Variants in GSE1 observed in about 807,000 individuals in gnomAD.
GSE1 encodes Gse1 coiled-coil protein.
A neutral mutation model predicts 112.6 loss-of-function variants in GSE1; 32 were observed. That is an observed-to-expected ratio of 0.28 (90% CI 0.21 to 0.38). GSE1 has a LOEUF of 0.38. Ranked by LOEUF, GSE1 falls within the 10% of genes least tolerant of loss-of-function variation. GSE1 has a pLI of 1.00. For missense variants in GSE1, 2,348 were observed against 1,699.2 expected (o/e 1.38, Z -6.71); for synonymous variants, 1,115 against 735.6 (o/e 1.52, Z -8.35).
upstream of GSE1, among the ~76,000 whole-genome samples, chr16:85,610,257 C>T (rs916882918): frequency 1.3e-5 from 2 of 152,224 alleles, no homozygotes; most frequent in African/African-American, 2.4e-5. Flanking sequence ...GAGGTGCCTC[C>T]GTAGGCCTGG....
At chr16:85,301,649 C>T (rs2045530016) in intron 1 of GSE1, among the ~76,000 whole-genome samples, 1 of 152,224 alleles carries the variant, frequency 6.6e-6, no homozygotes, top group Non-Finnish European at 1.5e-5. Context: ...TGTCCCTCGT[C>T]TCGGCTCTGT....
chr16:85,205,654 G>T (rs1450114251), intron 1 of GSE1, among the ~76,000 whole-genome samples: 9 of 152,104 alleles, frequency 5.9e-5, no homozygotes, highest in Admixed American at 5.9e-4. Flanking sequence ...CAGCTGTGGA[G>T]GCCCCTGCCC....
intron 1 of GSE1, among the ~76,000 whole-genome samples, chr16:85,306,915 C>T (rs1029384656): frequency 2.0e-5 from 3 of 152,216 alleles, no homozygotes; most frequent in African/African-American, 2.4e-5. Context: ...CTGGGTGTCC[C>T]CTTCCTGTTA....
intron 1 of GSE1, among the ~76,000 whole-genome samples, chr16:85,212,021 A>G (rs1263029080): frequency 6.6e-6 from 1 of 152,232 alleles, no homozygotes; most frequent in Non-Finnish European, 1.5e-5. Flanking sequence ...AGGCTGAGCC[A>G]TGTCCCTCAA....
chr16:85,222,687 C>T (rs1463884386), intron 1 of GSE1, among the ~76,000 whole-genome samples: 2 of 152,172 alleles, frequency 1.3e-5, no homozygotes, highest in South Asian at 4.1e-4. Context: ...GAAAACGTGG[C>T]CCAATTAAAA....
chr16:85,547,426 C>T (rs1468967121), intron 2 of GSE1, among the ~76,000 whole-genome samples: 1 of 152,208 alleles, frequency 6.6e-6, no homozygotes, highest in Non-Finnish European at 1.5e-5. Context: ...CCATATCACG[C>T]CAATTTCTGC....
At chr16:85,269,063 A>G (rs962914319) in intron 1 of GSE1, among the ~76,000 whole-genome samples, 2 of 149,518 alleles carry the variant, frequency 1.3e-5, no homozygotes, top group South Asian at 2.1e-4. Context: ...TGGGGTGGGC[A>G]TGCCCTGCAT....
At chr16:85,180,761 A>T (rs576533777) in intron 1 of GSE1, among the ~76,000 whole-genome samples, 2 of 152,318 alleles carry the variant, frequency 1.3e-5, no homozygotes, top group Admixed American at 1.3e-4. Context: ...CTGAATGGGA[A>T]GGCAGGCTGG....
At chr16:85,459,751 A>G (rs1018459924) in intron 2 of GSE1, among the ~76,000 whole-genome samples, 1 of 152,212 alleles carries the variant, frequency 6.6e-6, no homozygotes, top group Non-Finnish European at 1.5e-5. Context: ...GCCTCGGGCA[A>G]GTCACTGTTA....
chr16:85,646,504 A>G (rs1238126467), intron 2 of GSE1, among the ~76,000 whole-genome samples: 2 of 152,180 alleles, frequency 1.3e-5, no homozygotes, highest in Non-Finnish European at 2.9e-5. Context: ...ATATCATAGA[A>G]TCCAGGGCCA....
intron 1 of GSE1, among the ~76,000 whole-genome samples, chr16:85,226,816 T>A (rs190913087): frequency 1.0e-3 from 113 of 113,138 alleles, no homozygotes; most frequent in Non-Finnish European, 1.6e-3. Context: ...TGTGTGTGTG[T>A]GAAGGAGGAC....
intron 1 of GSE1, among the ~76,000 whole-genome samples, chr16:85,221,741 C>T (rs769166750): frequency 1.3e-5 from 2 of 152,192 alleles, no homozygotes; most frequent in Non-Finnish European, 2.9e-5. Flanking sequence ...CACTTTCCTT[C>T]ATGTCCAGGC....
intron 14 of GSE1, 78 bp downstream of exon 14, chr16:85,668,502 C>T (rs1204000272): frequency 1.0e-5 from 10 of 956,866 alleles, no homozygotes; most frequent in South Asian, 4.7e-5. Flanking sequence ...TGAGTTCATG[C>T]AGACCTCTGC....
intron 2 of GSE1, among the ~76,000 whole-genome samples, chr16:85,386,140 G>A (rs2047683663): frequency 6.6e-6 from 1 of 152,194 alleles, no homozygotes; most frequent in South Asian, 2.1e-4. Flanking sequence ...CTCCCACCCT[G>A]TTTAAATATG....
At chr16:85,568,334 G>A (rs893394606) in intron 1 of GSE1, among the ~76,000 whole-genome samples, 12 of 152,220 alleles carry the variant, frequency 7.9e-5, no homozygotes, top group African/African-American at 2.2e-4. Context: ...CAGTCATGGC[G>A]GCCCCCAATT....
intron 1 of GSE1, among the ~76,000 whole-genome samples, chr16:85,591,909 C>G (rs2047017397): frequency 6.6e-6 from 1 of 152,128 alleles, no homozygotes; most frequent in Admixed American, 6.5e-5. Context: ...TCCGCGATGC[C>G]CAAATCGGAA....
chr16:85,654,509 T>G (rs1176324166), intron 4 of GSE1, 59 bp downstream of exon 4: 1 of 1,422,790 alleles, frequency 7.0e-7, no homozygotes, highest in African/African-American at 1.4e-5. Flanking sequence ...GTGCTCAGGG[T>G]CTGGGTCCCC....
At chr16:85,667,288 ACT>A (rs1472904272) in intron 13 of GSE1, among the ~76,000 whole-genome samples, 4 of 151,074 alleles carry the variant, frequency 2.6e-5, no homozygotes, top group African/African-American at 4.9e-5. Flanking sequence ...GATTTTAGTC[ACT>A]CTGCCATACC....
intron 2 of GSE1, among the ~76,000 whole-genome samples, chr16:85,429,210 C>A (rs565184944): frequency 2.0e-5 from 3 of 152,202 alleles, no homozygotes; most frequent in African/African-American, 7.2e-5. Context: ...ACACAGCCCC[C>A]GCCCAGGACC....
Sources: gnomAD v4.1 joint callset for allele counts (sites outside exome capture counted in the v4.1 genomes callset) on GRCh38, gnomAD v4.1.1 for gene constraint, MANE v1.5 for transcripts, NCBI Gene and HGNC (gene_info 2026-07-23, HGNC 2026-07-21) for gene names.